ZNF519: variants seen among roughly 807,000 people sequenced by gnomAD.
ZNF519 encodes similar to Zinc finger protein 85 (Zinc finger protein HPF4) (HTF1).
A neutral mutation model predicts 7.4 loss-of-function variants in ZNF519; 7 were observed. The ratio of observed to expected loss-of-function variants is 0.94; its 90% CI spans 0.54 to 1.77. The LOEUF (loss-of-function observed/expected upper bound fraction) is 1.77. Ranked by LOEUF, ZNF519 falls within the 40% of genes most tolerant of loss-of-function variation. ZNF519 has a pLI of 0.00. For synonymous variants in ZNF519, 179 were observed against 203.3 expected, an observed-to-expected ratio of 0.88 and a Z score of 1.02; for missense variants, 586 against 623.1, an observed-to-expected ratio of 0.94 and a Z score of 0.63.
chr18:14,126,446 A>T (rs1388979236), intron 1 of ZNF519, among the ~76,000 whole-genome samples: 1 of 152,226 alleles, frequency 6.6e-6, no homozygotes, highest in East Asian at 1.9e-4. Context: ...TCTGTCCATG[A>T]ATAGACCTTC....
intron 1 of ZNF519, among the ~76,000 whole-genome samples, chr18:14,129,851 T>C (rs903437446): frequency 7.2e-5 from 11 of 152,106 alleles, no homozygotes; most frequent in Non-Finnish European, 1.0e-4. Context: ...AATAATTTGA[T>C]AGAACTATTC....
chr18:14,106,437 T>G, intron 2 of ZNF519, 28 bp from the exon 3 acceptor site: 1 of 1,525,622 alleles, frequency 6.6e-7, no homozygotes, highest in Middle Eastern at 1.8e-4. Context: ...AACTAATTAT[T>G]CTACATACTG....
Position 14,103,051 on chromosome 18 carries a change from A to G in ZNF519, c.*1866T>C, listed in dbSNP as rs150251399. Reference sequence around the variant, plus strand: ...AAATGATGCAAATTCAACTATACTGATAATATTACAGGCTATAAATAGATT... The same window carrying G: ...AAATGATGCAAATTCAACTATACTGGTAATATTACAGGCTATAAATAGATT... On this transcript the variant is annotated 3_prime_UTR_variant, in exon 3 of 3. Coordinates refer to ENST00000590202, the MANE Select transcript of ZNF519 (RefSeq NM_145287.4). 1.3e-5 allele frequency: 2 copies of G among 152,266 alleles called. No homozygotes were observed. Among genetic ancestry groups the G allele is most frequent in the African/African-American group, 4.8e-5 (2 of 41,562 alleles). The allele number at this position is 152,266 out of a possible 1,614,324, so 9.4% of individuals were successfully genotyped here.
At chr18:14,090,711 A>G (rs1248326389) in intron 2 of ZNF519, 1 of 152,234 alleles carries the variant, frequency 6.6e-6, no homozygotes, top group African/African-American at 2.4e-5. Context: ...CATGCTGGAC[A>G]CAGCAGTCGG....
At chr18:14,093,050 T>C (rs56001344) in intron 2 of ZNF519, among the ~76,000 whole-genome samples, 26,310 of 152,144 alleles carry the variant, frequency 0.17, 2,793 homozygotes, top group Middle Eastern at 0.25. Context: ...GAATCCTTCC[T>C]CTATCACTTT....
intron 2 of ZNF519, among the ~76,000 whole-genome samples, chr18:14,086,717 T>G (rs116882065): frequency 2.6e-5 from 4 of 152,094 alleles, no homozygotes; most frequent in Non-Finnish European, 5.9e-5. Context: ...CCCGCTCTAG[T>G]CCTTCCAGGC....
chr18:14,071,433 AAAC>A (rs559491206), downstream of ZNF519: 22 of 152,332 alleles, frequency 1.4e-4, no homozygotes, highest in East Asian at 4.2e-3. Context: ...CAAGAAATTT[AAAC>A]AATAGTGAAC....
Position 14,124,489 on chromosome 18 carries a change from A to C in ZNF519, c.4-13T>G, listed in dbSNP as rs774933117. On this transcript the variant is annotated splice_polypyrimidine_tract_variant and intron_variant, in intron 1 of 2. Transcript: ENST00000590202. ...ATGTTAAGAGTTCCTGGAAACACATATATCAAGTGACAGAGCTCTTAATTT... is the reference window on the plus strand; with the variant it reads ...ATGTTAAGAGTTCCTGGAAACACATCTATCAAGTGACAGAGCTCTTAATTT... The C allele has an allele frequency of 1.2e-6, 2 of 1,605,514 alleles. No homozygotes were observed. Among genetic ancestry groups the C allele is most frequent in the Admixed American group, 3.5e-5 (2 of 57,036 alleles).
chr18:14,125,134 C>T (rs1435915395), intron 1 of ZNF519, among the ~76,000 whole-genome samples: 1 of 152,190 alleles, frequency 6.6e-6, no homozygotes, highest in Non-Finnish European at 1.5e-5. Flanking sequence ...AGAAAGCAGG[C>T]ACACACAGAA....
rs531619608 is a variant in ZNF519, at chr18:14,104,175, C to T, written c.*742G>A. On this transcript the variant is annotated 3_prime_UTR_variant, in exon 3 of 3. Transcript: ENST00000590202. ...AACATTCAGGACTTCTAACTTGCTG[C>T]TATGAAGATACATTAGAATATTAAT... The T allele has an allele frequency of 2.6e-5, 4 of 152,238 alleles. No homozygotes were observed. In the South Asian group the frequency reaches 6.2e-4, roughly 24 times the overall value. 9.4% of individuals were successfully genotyped at this position (152,238 alleles called of 1,614,324 possible). A position where few individuals can be genotyped will look rare whatever the true frequency, so the allele number is the denominator to read the frequency against.
chr18:14,130,540 T>A (rs1225703450), intron 1 of ZNF519, among the ~76,000 whole-genome samples: 1 of 152,136 alleles, frequency 6.6e-6, no homozygotes, highest in African/African-American at 2.4e-5. Context: ...CAGGGACATA[T>A]GACTCAAGTG....
At position 14,106,251 on chromosome 18, in the gene ZNF519, A is replaced by C. The variant is rs764092944; in HGVS notation, c.289T>G (p.Cys97Gly). The stretch of plus-strand genomic sequence containing the variant: ...AAATATTGGCTACATAGATTATAAC[A>C]TTCCTTTTGTCCTTCACCTTCACCT... Reference protein sequence around the residue: ...SIGEGEGQKECYNLCSQYLTT... With the variant: ...SIGEGEGQKEGYNLCSQYLTT... Residue 97 changes from cysteine to glycine, a missense_variant, in exon 3 of 3, where the codon TGT becomes GGT. Cys to Gly is a radical substitution (Grantham distance 159, BLOSUM62 -3). Coordinates refer to ENST00000590202, the MANE Select transcript of ZNF519 (RefSeq NM_145287.4). 6.2e-7 allele frequency: 1 copy of C among 1,613,584 alleles called. No individual in the cohort carries two copies. Among genetic ancestry groups the C allele is most frequent in the Non-Finnish European group, 8.5e-7 (1 of 1,179,910 alleles).
intron 3 of ZNF519, chr18:14,080,330 T>TTG: frequency 7.0e-6 from 1 of 142,788 alleles, no homozygotes; most frequent in South Asian, 2.4e-4. Flanking sequence ...TTTTTTTTTT[T>TTG]TTTTTTTTTT....
At chr18:14,114,751 T>C (rs1402577676) in intron 2 of ZNF519, among the ~76,000 whole-genome samples, 1 of 152,120 alleles carries the variant, frequency 6.6e-6, no homozygotes, top group Non-Finnish European at 1.5e-5. Flanking sequence ...AGAGTAACTA[T>C]AGTCAAAAGC....
At chr18:14,111,421 T>C (rs1430455559) in intron 2 of ZNF519, among the ~76,000 whole-genome samples, 1 of 148,226 alleles carries the variant, frequency 6.7e-6, no homozygotes, top group Non-Finnish European at 1.5e-5. Flanking sequence ...CAGGTAGAAT[T>C]GCTGGAAGTC....
intron 3 of ZNF519, chr18:14,082,204 T>G (rs2046073246): frequency 6.6e-6 from 1 of 152,036 alleles, no homozygotes; most frequent in Non-Finnish European, 1.5e-5. Flanking sequence ...ATTAGTTAAA[T>G]CAAAAGATTA....
chr18:14,102,061 C>T lies in ZNF519; in HGVS notation c.*2856G>A, dbSNP rs2143117820. The T allele has an allele frequency of 4.1e-6, 1 of 245,682 alleles. No individual in the cohort carries two copies. The highest frequency in any genetic ancestry group is 1.8e-4 in the South Asian group (1 of 5,648). 15.2% of individuals were successfully genotyped at this position (245,682 alleles called of 1,614,324 possible). A position where few individuals can be genotyped will look rare whatever the true frequency, so the allele number is the denominator to read the frequency against. On this transcript the variant is annotated 3_prime_UTR_variant, in exon 3 of 3. Transcript: ENST00000590202. ...TAGACCACAAATGAACAATCTTTGTCAACACCATTTTGTTAATTTGTGTTT... is the reference window on the plus strand; with the variant it reads ...TAGACCACAAATGAACAATCTTTGTTAACACCATTTTGTTAATTTGTGTTT...
intron 1 of ZNF519, among the ~76,000 whole-genome samples, chr18:14,126,367 G>C (rs2046299503): frequency 6.6e-6 from 1 of 152,128 alleles, no homozygotes; most frequent in Admixed American, 6.5e-5. Context: ...CGTTTTCCTA[G>C]AGCAATTATA....
chr18:14,108,798 T>C (rs1452172334), intron 2 of ZNF519, among the ~76,000 whole-genome samples: 1 of 152,124 alleles, frequency 6.6e-6, no homozygotes, highest in Non-Finnish European at 1.5e-5. Flanking sequence ...GACGGTTATC[T>C]ATATAATGAG....
Sources: allele counts gnomAD v4.1 joint callset (sites outside exome capture counted in the v4.1 genomes callset), GRCh38; gene constraint gnomAD v4.1.1; transcripts MANE v1.5; gene names NCBI Gene and HGNC (gene_info 2026-07-23, HGNC 2026-07-21).